The following FASTKD5 variants were observed in gnomAD, a reference collection of about 807,000 sequenced individuals.
FASTKD5 encodes FAST kinase domains 5, also known as non-canonical pre-mRNAs endonuclease FASTKD5, mitochondrial.
Under a neutral mutation model 44.0 loss-of-function variants are expected in FASTKD5, and 30 were observed. The ratio of observed to expected loss-of-function variants is 0.68; its 90% CI spans 0.51 to 0.93. The LOEUF (loss-of-function observed/expected upper bound fraction) is 0.93, where lower values mean the gene tolerates loss of function less well. FASTKD5 is among the 40% of genes least tolerant of loss of function. The pLI is 0.00. For missense variants in FASTKD5, 868 were observed against 908.2 expected, an observed-to-expected ratio of 0.96 and a Z score of 0.57; for synonymous variants, 335 against 342.2, an observed-to-expected ratio of 0.98 and a Z score of 0.23.
At chr20:3,150,338 G>A (rs1416417639) in intron 1 of FASTKD5, among the ~76,000 whole-genome samples, 1 of 152,170 alleles carries the variant, frequency 6.6e-6, no homozygotes, top group Non-Finnish European at 1.5e-5. Context: ...TCAGGGTTCA[G>A]GGAACGCCAA....
In FASTKD5 at chr20:3,147,209, A is replaced by C. The variant is rs2066573628; in HGVS notation, c.1862T>G (p.Val621Gly). 1 of 1,614,060 alleles carries C rather than the reference A, an allele frequency of 6.2e-7. No individual in the cohort carries two copies. The highest frequency in any genetic ancestry group is 8.5e-7 in the Non-Finnish European group (1 of 1,180,048). ...CAAATCATCTGTAAGGCTGACTCCC[A>C]CATGCTCAAGCCTTAATTTGGCTAC... ...ENVAKLRLEH[V>G]GVSLTDDLMN... Residue 621 changes from valine to glycine, a missense_variant, in exon 2 of 2, where the codon GTG (valine) becomes GGG (glycine). Val to Gly is a moderately radical substitution (Grantham distance 109, BLOSUM62 -3). Transcript: ENST00000380266.
chr20:3,148,216 A>G lies in FASTKD5; in HGVS notation c.855T>C (p.Ile285=). 6.2e-7 allele frequency: 1 copy of G among 1,613,998 alleles called. No homozygotes were observed. The highest frequency in any genetic ancestry group is 1.6e-4 in the Middle Eastern group (1 of 6,062). The change falls in exon 2 of 2, where the codon ATT becomes ATC. Residue 285 remains isoleucine, a synonymous_variant. Coordinates refer to ENST00000380266, the MANE Select transcript of FASTKD5 (RefSeq NM_021826.5). ...DLSLSQLVHL[I]YVIGENRQVS... is the part of the protein sequence containing the mutation. ...CCTGACGATTTTCACCTATAACATA[A>G]ATTAAGTGAACTAGCTGAGACAAGG...
Position 3,148,227 on chromosome 20 carries a change from C to T in FASTKD5, c.844G>A (p.Val282Ile), listed in dbSNP as rs1333829782. The T allele has an allele frequency of 6.2e-7, 1 of 1,613,922 alleles. No individual in the cohort carries two copies. Among genetic ancestry groups the T allele is most frequent in the Non-Finnish European group, 8.5e-7 (1 of 1,180,020 alleles). The change falls in exon 2 of 2, where the codon GTT (valine) becomes ATT (isoleucine). Residue 282 changes from valine (V) to isoleucine (I), a missense_variant. By Grantham distance (29) the Val-to-Ile change is conservative (BLOSUM62 3). Transcript: ENST00000380266. ...TCACCTATAACATAAATTAAGTGAA[C>T]TAGCTGAGACAAGGATAGATCCTTC... The part of the protein sequence containing the change: ...HWKDLSLSQL[V>I]HLIYVIGENR...
chr20:3,147,972 G>A lies in FASTKD5; in HGVS notation c.1099C>T (p.His367Tyr). 6.2e-7 allele frequency: 1 copy of A among 1,614,204 alleles called. No individual in the cohort carries two copies. Among genetic ancestry groups the A allele is most frequent in the Non-Finnish European group, 8.5e-7 (1 of 1,180,042 alleles). ...VNIVKMFRFT[H>Y]VDHINFMKQI... ...TTCATGAAATTGATGTGATCCACGT[G>A]AGTGAAACGGAACATTTTAACAATA... The change falls in exon 2 of 2, where the codon CAC becomes TAC. Residue 367 changes from histidine (H) to tyrosine (Y), a missense_variant. By Grantham distance (83) the His-to-Tyr change is moderately conservative. Coordinates refer to ENST00000380266, the MANE Select transcript of FASTKD5 (RefSeq NM_021826.5).
At chr20:3,159,196 G>C (rs78422809) in intron 1 of FASTKD5, among the ~76,000 whole-genome samples, 2,851 of 152,280 alleles carry the variant, frequency 0.019, 101 homozygotes, top group African/African-American at 0.065. Context: ...CTTGTGCAAC[G>C]AGAAACTGCT....
chr20:3,157,859 G>C (rs958483123), intron 1 of FASTKD5, among the ~76,000 whole-genome samples: 1 of 152,052 alleles, frequency 6.6e-6, no homozygotes, highest in African/African-American at 2.4e-5. Context: ...AGGCTGTATA[G>C]TACATACTTC....
chr20:3,148,815 A>T lies in FASTKD5; in HGVS notation c.256T>A (p.Ser86Thr). The change falls in exon 2 of 2, where the codon TCT becomes ACT. Residue 86 changes from serine to threonine, a missense_variant. Ser to Thr is a moderately conservative substitution (Grantham distance 58). Coordinates refer to ENST00000380266, the MANE Select transcript of FASTKD5 (RefSeq NM_021826.5). ...PGLEFSKTSSSKASTLQLGSP... is the reference protein window; with the variant it reads ...PGLEFSKTSSTKASTLQLGSP... ...CCCAGCTGCAATGTACTGGCCTTAGAGGAAGAAGTCTTGCTGAATTCCAAA... is the reference window on the plus strand; with the variant it reads ...CCCAGCTGCAATGTACTGGCCTTAGTGGAAGAAGTCTTGCTGAATTCCAAA... 6.2e-7 allele frequency: 1 copy of T among 1,614,228 alleles called. No individual in the cohort carries two copies. The highest frequency in any genetic ancestry group is 2.2e-5 in the East Asian group (1 of 44,886).
chr20:3,153,424 ATG>A (rs2066651537), intron 1 of FASTKD5, among the ~76,000 whole-genome samples: 1 of 152,250 alleles, frequency 6.6e-6, no homozygotes, highest in Admixed American at 6.5e-5. Flanking sequence ...CATCTCTGTA[ATG>A]TAAGTTTATA....
chr20:3,153,808 T>C (rs1371759594), intron 1 of FASTKD5, among the ~76,000 whole-genome samples: 1 of 152,236 alleles, frequency 6.6e-6, no homozygotes, highest in Non-Finnish European at 1.5e-5. Flanking sequence ...TTTAAACTTT[T>C]TCAGTTTTTG....
Position 3,148,193 on chromosome 20 carries a change from T to C in FASTKD5, c.878A>G (p.Gln293Arg). 1 of 1,614,012 alleles carries C rather than the reference T, an allele frequency of 6.2e-7. No homozygotes were observed. Among genetic ancestry groups the C allele is most frequent in the African/African-American group, 1.3e-5 (1 of 75,060 alleles). ...TTTTTGCATTAGGTCCTGGGATACCTGACGATTTTCACCTATAACATAAAT... is the reference window on the plus strand; with the variant it reads ...TTTTTGCATTAGGTCCTGGGATACCCGACGATTTTCACCTATAACATAAAT... Reference protein sequence around the residue: ...HLIYVIGENRQVSQDLMQKLE... With the variant: ...HLIYVIGENRRVSQDLMQKLE... Residue 293 changes from glutamine to arginine, a missense_variant, in exon 2 of 2, where the codon CAG becomes CGG. Physicochemically the swap from Gln to Arg is conservative, Grantham distance 43 (BLOSUM62 1). Coordinates refer to ENST00000380266, the MANE Select transcript of FASTKD5 (RefSeq NM_021826.5).
chr20:3,152,586 C>A (rs1037831835), intron 1 of FASTKD5, among the ~76,000 whole-genome samples: 13 of 152,072 alleles, frequency 8.5e-5, no homozygotes, highest in African/African-American at 3.1e-4. Flanking sequence ...ATATACTGTT[C>A]AAATCTGTAG....
At chr20:3,158,763 T>TGTG (rs1347042646) in intron 1 of FASTKD5, among the ~76,000 whole-genome samples, 1 of 152,244 alleles carries the variant, frequency 6.6e-6, no homozygotes, top group Non-Finnish European at 1.5e-5. Flanking sequence ...CGTGAGCCAC[T>TGTG]GTGTCCGGCC....
chr20:3,151,376 A>G (rs1198552187), intron 1 of FASTKD5, among the ~76,000 whole-genome samples: 3 of 152,234 alleles, frequency 2.0e-5, no homozygotes, highest in Non-Finnish European at 4.4e-5. Context: ...CTGCTACAAG[A>G]GCAGAACTGT....
rs60655157 is a variant in FASTKD5 at position 3,152,100 on chromosome 20, CAAAAAA to C, written c.-190-2846_-190-2841del. Among the ~76,000 whole-genome samples the C allele has an allele frequency of 9.7e-3, 609 of 62,902 alleles. 6 individuals carry two copies. Among genetic ancestry groups the C allele is most frequent in the African/African-American group, 0.03 (575 of 19,446 alleles). The allele number at this position is 62,902 out of a possible 152,430, so 41.3% of individuals were successfully genotyped here. A position where few individuals can be genotyped will look rare whatever the true frequency, so the allele number is the denominator to read the frequency against. The stretch of plus-strand genomic sequence containing the variant: ...AGCCTGGGTGACAGAGACTCTGTCT[CAAAAAA>C]AAAAAAAAAAAAAAAAGAACCAAAA... On this transcript the variant is annotated intron_variant, in intron 1 of 1. Coordinates refer to ENST00000380266, the MANE Select transcript of FASTKD5 (RefSeq NM_021826.5).
Position 3,149,170 on chromosome 20 carries a change from G to A in FASTKD5, c.-100C>T. 1.5e-6 allele frequency: 2 copies of A among 1,356,336 alleles called. No individual in the cohort carries two copies. Among genetic ancestry groups the A allele is most frequent in the Non-Finnish European group, 2.0e-6 (2 of 1,000,128 alleles). 84.0% of individuals were successfully genotyped at this position (1,356,336 alleles called of 1,614,324 possible). A position where few individuals can be genotyped will look rare whatever the true frequency, so the allele number is the denominator to read the frequency against. ...TATGGTGCTTGATTAGAGCTGGACG[G>A]GGAGGTGTTCCACAAAAACTGCCTG... On this transcript the variant is annotated 5_prime_UTR_variant, in exon 2 of 2. Transcript: ENST00000380266. The surrounding 1 kb of genome is among the most constrained non-coding windows in gnomAD (Gnocchi z 4.1).
chr20:3,158,333 A>G (rs6084276), intron 1 of FASTKD5, among the ~76,000 whole-genome samples: 7,795 of 152,232 alleles, frequency 0.051, 308 homozygotes, highest in Non-Finnish European at 0.076. Flanking sequence ...CTTATTAGGG[A>G]CTAAAAAAAT....
Position 3,155,341 on chromosome 20 carries a change from C to T in FASTKD5, c.-191+4425G>A, listed in dbSNP as rs1217847775. On this transcript the variant is annotated intron_variant, in intron 1 of 1. Coordinates refer to ENST00000380266, the MANE Select transcript of FASTKD5 (RefSeq NM_021826.5). ...GGTCAGGAGTTTGAGACCAGCCTGGCCAACGTGGCGAAACCACGTCTCTCC... is the reference window on the plus strand; with the variant it reads ...GGTCAGGAGTTTGAGACCAGCCTGGTCAACGTGGCGAAACCACGTCTCTCC... 3.9e-5 allele frequency among the ~76,000 whole-genome samples: 6 copies of T among 152,138 alleles called. No individual in the cohort carries two copies. In the East Asian group the frequency reaches 1.2e-3, roughly 29 times the overall value.
chr20:3,149,390 A>T lies in FASTKD5; in HGVS notation c.-190-130T>A. On this transcript the variant is annotated intron_variant, in intron 1 of 1. Coordinates refer to ENST00000380266, the MANE Select transcript of FASTKD5 (RefSeq NM_021826.5). This position sits in a 1 kb window ranked among gnomAD's most constrained non-coding sequence, Gnocchi z 4.1. ...AAGTTCAATGCTAGTAAATGCCCAA[A>T]CCACATGACAGCATATATCAAGGAT... 1 of 310,008 alleles carries T rather than the reference A, an allele frequency of 3.2e-6. No homozygotes were observed. The highest frequency in any genetic ancestry group is 6.0e-6 in the Non-Finnish European group (1 of 167,886). The allele number at this position is 310,008 out of a possible 1,614,324, so 19.2% of individuals were successfully genotyped here. A position where few individuals can be genotyped will look rare whatever the true frequency, so the allele number is the denominator to read the frequency against.
intron 1 of FASTKD5, among the ~76,000 whole-genome samples, chr20:3,152,399 G>A (rs1235904267): frequency 1.3e-5 from 2 of 152,068 alleles, no homozygotes; most frequent in Non-Finnish European, 2.9e-5. Flanking sequence ...CTACTCGGGA[G>A]GCTGAGGCGG....
Sources: allele counts gnomAD v4.1 joint callset (sites outside exome capture counted in the v4.1 genomes callset), GRCh38; gene constraint gnomAD v4.1.1; non-coding constraint Gnocchi (gnomAD v3.1); transcripts MANE v1.5; gene names NCBI Gene and HGNC (gene_info 2026-07-23, HGNC 2026-07-21).